MPHOSPH9: variants seen among roughly 807,000 people sequenced by gnomAD.
The protein encoded by MPHOSPH9 is M-phase phosphoprotein 9.
In MPHOSPH9, 88 loss-of-function variants were observed where a neutral mutation model predicts 145.5. That is an observed-to-expected ratio of 0.60 (90% CI 0.51 to 0.72). The LOEUF (loss-of-function observed/expected upper bound fraction) is 0.72, where lower values mean the gene tolerates loss of function less well. Among genes scored for constraint, MPHOSPH9 ranks in the 30% least tolerant of loss-of-function variants. MPHOSPH9 has a pLI of 0.00. For synonymous variants in MPHOSPH9, 435 were observed against 486.2 expected (o/e 0.89, Z 1.39); for missense variants, 1,238 against 1,386.6 (o/e 0.89, Z 1.70).
chr12:123,184,024 AG>A, intron 13 of MPHOSPH9, among the ~76,000 whole-genome samples: 1 of 152,026 alleles, frequency 6.6e-6, no homozygotes, highest in Admixed American at 6.6e-5. Context: ...TGCGCAATAT[AG>A]CAAGACCCCA....
chr12:123,222,041 A>G, intron 4 of MPHOSPH9, 146 bp from the exon 5 acceptor site: 1 of 643,250 alleles, frequency 1.6e-6, no homozygotes, highest in East Asian at 2.9e-5. Flanking sequence ...TATAAACAAA[A>G]TTGAGGCTGG....
At chr12:123,170,121 G>A (rs930053058) in intron 16 of MPHOSPH9, among the ~76,000 whole-genome samples, 30 of 150,900 alleles carry the variant, frequency 2.0e-4, no homozygotes, top group African/African-American at 6.3e-4. Context: ...GGGACTACAG[G>A]CGCGTACCAC....
chr12:123,223,316 T>TACGTTCAGCCTCAAGGCTGGGAA (rs2047295421), intron 3 of MPHOSPH9, among the ~76,000 whole-genome samples, 189 bp from the exon 4 acceptor site: 1 of 151,802 alleles, frequency 6.6e-6, no homozygotes, highest in Non-Finnish European at 1.5e-5. Flanking sequence ...TACAGAAGGC[T>TACGTTCAGCCTCAAGGCTGGGAA]ACGTTCAGCC....
chr12:123,188,999 A>C (rs968072490), intron 13 of MPHOSPH9, among the ~76,000 whole-genome samples: 1 of 152,188 alleles, frequency 6.6e-6, no homozygotes, highest in Non-Finnish European at 1.5e-5. Flanking sequence ...TCATGCCACT[A>C]CACTCCAGCT....
intron 17 of MPHOSPH9, chr12:123,166,213 C>A (rs1251210471): frequency 5.2e-6 from 1 of 192,768 alleles, no homozygotes; most frequent in South Asian, 1.0e-4. Flanking sequence ...CTCAAGTAAT[C>A]CTCCCACCTC....
chr12:123,153,959 C>G (rs1487178021), downstream of MPHOSPH9, among the ~76,000 whole-genome samples: 1 of 152,214 alleles, frequency 6.6e-6, no homozygotes, highest in African/African-American at 2.4e-5. Context: ...CCAGGTCTCT[C>G]TGGCTCCAAG....
chr12:123,230,539 GA>G lies in MPHOSPH9; in HGVS notation c.-158-18del, dbSNP rs1311575769. The G allele has an allele frequency of 5.4e-5, 24 of 444,168 alleles. No individual in the cohort carries two copies. Among genetic ancestry groups the G allele is most frequent in the South Asian group, 1.2e-4 (3 of 24,428 alleles). 27.5% of individuals were successfully genotyped at this position (444,168 alleles called of 1,614,324 possible). A position where few individuals can be genotyped will look rare whatever the true frequency, so the allele number is the denominator to read the frequency against. The stretch of plus-strand genomic sequence containing the variant: ...CAAGAGAGTCTGAAAATGAATGGGG[GA>G]AAAAAATACTACTATAAAAAGCCAC... On this transcript the variant is annotated intron_variant, in intron 1 of 23. Coordinates refer to ENST00000606320, the MANE Select transcript of MPHOSPH9 (RefSeq NM_022782.4).
At chr12:123,210,228 C>T (rs1199276541) in intron 7 of MPHOSPH9, 66 bp from the exon 8 acceptor site, 5 of 854,158 alleles carry the variant, frequency 5.9e-6, no homozygotes, top group African/African-American at 1.7e-5. Flanking sequence ...TCTAGAATAA[C>T]ATTTCTACCT....
intron 5 of MPHOSPH9, among the ~76,000 whole-genome samples, chr12:123,221,050 G>A (rs958792255): frequency 1.3e-5 from 2 of 152,128 alleles, no homozygotes; most frequent in African/African-American, 2.4e-5. Flanking sequence ...GCGAGACTCC[G>A]TCTCAAAAAA....
intron 13 of MPHOSPH9, among the ~76,000 whole-genome samples, chr12:123,191,322 C>T (rs1055095434): frequency 2.0e-5 from 3 of 151,442 alleles, no homozygotes; most frequent in African/African-American, 2.4e-5. Context: ...ACTTCGTCTC[C>T]AAAAATAAAG....
At chr12:123,191,267 G>A (rs1375932676) in intron 13 of MPHOSPH9, among the ~76,000 whole-genome samples, 2 of 152,102 alleles carry the variant, frequency 1.3e-5, no homozygotes, top group Non-Finnish European at 2.9e-5. Context: ...GTTGTGGTGA[G>A]CTGAGATTGC....
intron 11 of MPHOSPH9, among the ~76,000 whole-genome samples, chr12:123,200,300 CTTT>C (rs200819299): frequency 7.0e-6 from 1 of 143,560 alleles, no homozygotes. Context: ...TGTAACACAG[CTTT>C]TTTTTTTTTT....
At chr12:123,230,021 C>G in intron 2 of MPHOSPH9, 1 of 267,060 alleles carries the variant, frequency 3.7e-6, no homozygotes, top group Admixed American at 5.4e-5. Flanking sequence ...GAGGCTTCAC[C>G]ATGTTAGCCA....
intron 15 of MPHOSPH9, 65 bp from the exon 16 acceptor site, chr12:123,176,854 C>T (rs1000818166): frequency 2.7e-5 from 35 of 1,275,450 alleles, no homozygotes; most frequent in East Asian, 1.4e-4. Flanking sequence ...AGCTCAACCA[C>T]AGTTTATTTA....
intron 3 of MPHOSPH9, among the ~76,000 whole-genome samples, chr12:123,225,270 C>T (rs551017760): frequency 0.046 from 7,021 of 151,298 alleles, 307 homozygotes; most frequent in East Asian, 0.26. Context: ...ATAGCAAAAC[C>T]TTGTCTCAAC....
rs775985289 is a variant in MPHOSPH9 at position 123,162,141 on chromosome 12, T to C, written c.3107A>G (p.Gln1036Arg). The change falls in exon 21 of 24, where the codon CAG becomes CGG. Residue 1036 changes from glutamine to arginine, a missense_variant. Transcript: ENST00000606320. ...LQRTNPRKQL[Q>R]FLPLDDSEEK... Reference sequence around the variant, plus strand: ...TTCCGAGTCATCTAGAGGAAGAAACTGGAGTTGCTTTCTTGGATTGGTACG... The same window carrying C: ...TTCCGAGTCATCTAGAGGAAGAAACCGGAGTTGCTTTCTTGGATTGGTACG... 3 of 1,585,392 alleles carry C rather than the reference T, an allele frequency of 1.9e-6. 1 individual carries two copies. In the South Asian group the frequency reaches 3.5e-5, roughly 19 times the overall value.
chr12:123,238,418 C>T lies in MPHOSPH9; in HGVS notation c.-159+5435G>A, dbSNP rs181102542. 1.9e-4 allele frequency among the ~76,000 whole-genome samples: 29 copies of T among 152,110 alleles called. No homozygotes were observed. The South Asian group carries it at 2.7e-3, about 14-fold the overall frequency. ...TCTCCTTCTTAAGGAAGAGACAAGA[C>T]GGAATAAGCAGGTAATCAGCCCTCC... On this transcript the variant is annotated intron_variant, in intron 1 of 2. Transcript: ENST00000545406.
At chr12:123,226,315 TA>T in intron 3 of MPHOSPH9, 1 of 1,157,888 alleles carries the variant, frequency 8.6e-7, no homozygotes, top group Non-Finnish European at 1.1e-6. Context: ...ATCGAATTCT[TA>T]AACCAGGTAA....
At chr12:123,172,038 C>A (rs902585395) in intron 16 of MPHOSPH9, among the ~76,000 whole-genome samples, 2 of 152,172 alleles carry the variant, frequency 1.3e-5, no homozygotes, top group African/African-American at 2.4e-5. Flanking sequence ...TACAAAATTG[C>A]TTCACATGCT....
Sources: allele counts gnomAD v4.1 joint callset (sites outside exome capture counted in the v4.1 genomes callset), GRCh38; gene constraint gnomAD v4.1.1; transcripts MANE v1.5; gene names NCBI Gene and HGNC (gene_info 2026-07-23, HGNC 2026-07-21).